SEC23B: variants seen among roughly 807,000 people sequenced by gnomAD.
SEC23B encodes the protein protein transport protein Sec23B.
SEC23B carries 77 observed loss-of-function variants against 104.3 expected under a neutral mutation model. That is an observed-to-expected ratio of 0.74 (90% CI 0.61 to 0.89). The LOEUF is 0.89. Ranked by LOEUF, SEC23B falls within the 40% of genes least tolerant of loss-of-function variation. The pLI is 0.00. For missense variants in SEC23B, 885 were observed against 949.4 expected (o/e 0.93, Z 0.89); for synonymous variants, 338 against 332.5 (o/e 1.02, Z -0.18).
At chr20:18,531,652 CAAAAAAAAA>C (rs11482973) in intron 10 of SEC23B, among the ~76,000 whole-genome samples, 1 of 99,514 alleles carries the variant, frequency 1.0e-5, no homozygotes, top group Non-Finnish European at 1.8e-5. Flanking sequence ...GAAACTGTCT[CAAAAAAAAA>C]AAAAAAAAAA....
At chr20:18,545,884 G>A in intron 14 of SEC23B, 72 bp from the exon 15 acceptor site, 4 of 889,900 alleles carry the variant, frequency 4.5e-6, no homozygotes, top group Non-Finnish European at 1.9e-6. Flanking sequence ...ATATTTCCAG[G>A]TAATGCTAAC....
At chr20:18,526,322 A>G (rs774335526) in intron 7 of SEC23B, 51 bp from the exon 8 acceptor site, 23 of 1,597,762 alleles carry the variant, frequency 1.4e-5, no homozygotes, top group Non-Finnish European at 1.8e-5. Context: ...CTGAAACCAT[A>G]CTAAAAGGTG....
intron 4 of SEC23B, among the ~76,000 whole-genome samples, chr20:18,521,066 T>G (rs954451401): frequency 6.6e-6 from 1 of 152,172 alleles, no homozygotes; most frequent in Admixed American, 6.5e-5. Context: ...AGCAAGCTCC[T>G]GCGGGAGGAG....
intron 3 of SEC23B, 108 bp from the exon 4 acceptor site, chr20:18,515,542 A>G (rs2060016807): frequency 2.8e-6 from 2 of 715,062 alleles, no homozygotes; most frequent in South Asian, 2.9e-5. Context: ...GGAGCTCCTG[A>G]GCTCAAGTGT....
Position 18,527,606 on chromosome 20 carries a change from T to C in SEC23B, c.1104T>C (p.Leu368=), listed in dbSNP as rs370161092. Residue 368 remains leucine (L), a synonymous_variant, in exon 9 of 20, where the codon CTT becomes CTC. Transcript: ENST00000650089. The part of the protein sequence containing the change: ...GLLEMKCCAN[L]TGGYMVMGDS... Reference sequence around the variant, plus strand: ...TGGAGATGAAGTGTTGTGCAAATCTTACTGGGTATGTTGACAGTGAAAACC... The same window carrying C: ...TGGAGATGAAGTGTTGTGCAAATCTCACTGGGTATGTTGACAGTGAAAACC... 1.0e-5 allele frequency: 16 copies of C among 1,580,384 alleles called. No homozygotes were observed. The highest frequency in any genetic ancestry group is 1.4e-5 in the Non-Finnish European group (16 of 1,149,286).
intron 1 of SEC23B, 65 bp from the exon 2 acceptor site, chr20:18,510,754 ATCT>A (rs1214369969): frequency 4.2e-6 from 5 of 1,204,304 alleles, no homozygotes; most frequent in Admixed American, 1.8e-5. Flanking sequence ...TACATGACCC[ATCT>A]TCTTTTTTTG....
chr20:18,515,719 A>G lies in SEC23B; in HGVS notation c.349A>G (p.Ile117Val), dbSNP rs1420383117. The part of the protein sequence containing the change: ...PAELMPQFST[I>V]EYVIQRGAQS... ...CGAATTGATGCCCCAGTTTTCTACAATTGAGTACGTGATACAGGTAATTTC... is the reference window on the plus strand; with the variant it reads ...CGAATTGATGCCCCAGTTTTCTACAGTTGAGTACGTGATACAGGTAATTTC... The change falls in exon 4 of 20, where the codon ATT (isoleucine) becomes GTT (valine). Residue 117 changes from isoleucine to valine, a missense_variant. By Grantham distance (29) the Ile-to-Val change is conservative. Coordinates refer to ENST00000650089, the MANE Select transcript of SEC23B (RefSeq NM_006363.6). The G allele has an allele frequency of 2.5e-6, 4 of 1,598,736 alleles. No individual in the cohort carries two copies. Among genetic ancestry groups the G allele is most frequent in the Admixed American group, 1.7e-5 (1 of 59,986 alleles).
rs1265855744 is a variant in SEC23B at position 18,512,141 on chromosome 20, A to G, written c.222-84A>G. ...TGATTTACTGAACTTGAAATTTACA[A>G]ATGAACGCTTTCTACCTTAAAAATA... On this transcript the variant is annotated intron_variant, in intron 2 of 19. Transcript: ENST00000650089. 28 of 839,960 alleles carry G rather than the reference A, an allele frequency of 3.3e-5. No individual in the cohort carries two copies. The highest frequency in any genetic ancestry group is 5.3e-5 in the Non-Finnish European group (28 of 528,176). The allele number at this position is 839,960 out of a possible 1,614,324, so 52.0% of individuals were successfully genotyped here.
chr20:18,541,932 A>G (rs2060290974), intron 12 of SEC23B, among the ~76,000 whole-genome samples: 1 of 152,222 alleles, frequency 6.6e-6, no homozygotes, highest in South Asian at 2.1e-4. Context: ...GTGTTTGTTT[A>G]ATGATTAACA....
intron 17 of SEC23B, among the ~76,000 whole-genome samples, chr20:18,552,351 G>A (rs1392688771): frequency 2.0e-5 from 3 of 152,178 alleles, no homozygotes; most frequent in Admixed American, 6.5e-5. Flanking sequence ...GTGCTAGGCT[G>A]TCAGTAATAG....
chr20:18,519,638 G>C lies in SEC23B; in HGVS notation c.366+3902G>C, dbSNP rs2060065064. 2.0e-5 allele frequency among the ~76,000 whole-genome samples: 3 copies of C among 150,204 alleles called. No individual in the cohort carries two copies. In the Admixed American group the frequency reaches 2.0e-4, roughly 10 times the overall value. The stretch of plus-strand genomic sequence containing the variant: ...TGGGATGAGTTAGGGAGACTAGTGT[G>C]GGGGCAGTCTCTAAAGCTGACTTCA... On this transcript the variant is annotated intron_variant, in intron 4 of 19. Coordinates refer to ENST00000650089, the MANE Select transcript of SEC23B (RefSeq NM_006363.6).
At chr20:18,529,244 T>C (rs2060161302) in intron 9 of SEC23B, among the ~76,000 whole-genome samples, 1 of 151,990 alleles carries the variant, frequency 6.6e-6, no homozygotes, top group Non-Finnish European at 1.5e-5. Flanking sequence ...GACCAAAGAG[T>C]GGAACTAGAA....
intron 1 of SEC23B, among the ~76,000 whole-genome samples, chr20:18,509,275 T>C (rs1218691689): frequency 6.6e-6 from 1 of 152,224 alleles, no homozygotes; most frequent in Non-Finnish European, 1.5e-5. Context: ...CTTTATGTAG[T>C]AGAGTAATTC....
At chr20:18,551,255 A>G in intron 17 of SEC23B, 80 bp downstream of exon 17, 1 of 772,998 alleles carries the variant, frequency 1.3e-6, no homozygotes. Context: ...TGTGCACACA[A>G]GGAGAATTAT....
At chr20:18,531,652 C>CAAAAAAAA (rs11482973) in intron 10 of SEC23B, among the ~76,000 whole-genome samples, 1 of 99,514 alleles carries the variant, frequency 1.0e-5, no homozygotes, top group South Asian at 3.7e-4. Context: ...GAAACTGTCT[C>CAAAAAAAA]AAAAAAAAAA....
chr20:18,520,739 A>G, intron 4 of SEC23B, among the ~76,000 whole-genome samples: 1 of 152,096 alleles, frequency 6.6e-6, no homozygotes, highest in South Asian at 2.1e-4. Context: ...GGTAATGTGG[A>G]GTGGGTAGCC....
At chr20:18,519,961 C>T (rs1030956811) in intron 4 of SEC23B, among the ~76,000 whole-genome samples, 13 of 151,924 alleles carry the variant, frequency 8.6e-5, no homozygotes, top group East Asian at 1.9e-4. Context: ...GGGCTGTCCG[C>T]GAAGCCTTGC....
chr20:18,513,801 A>G (rs1258801549), intron 3 of SEC23B, among the ~76,000 whole-genome samples: 1 of 152,258 alleles, frequency 6.6e-6, no homozygotes, highest in Non-Finnish European at 1.5e-5. Context: ...TATTATAGTA[A>G]TTCTAAGGCA....
At chr20:18,527,834 A>G (rs538933592) in intron 9 of SEC23B, among the ~76,000 whole-genome samples, 1 of 152,316 alleles carries the variant, frequency 6.6e-6, no homozygotes, top group East Asian at 1.9e-4. Flanking sequence ...GTTTCAGAGT[A>G]ACTTATTTCT....
Sources: gnomAD v4.1 joint callset for allele counts (sites outside exome capture counted in the v4.1 genomes callset) on GRCh38, gnomAD v4.1.1 for gene constraint, MANE v1.5 for transcripts, NCBI Gene and HGNC (gene_info 2026-07-23, HGNC 2026-07-21) for gene names.